Variants in IL1RAPL2 observed in about 807,000 individuals in gnomAD.
The protein encoded by IL1RAPL2 is interleukin 1 receptor accessory protein like 2, also known as X-linked interleukin-1 receptor accessory protein-like 2.
A neutral mutation model predicts 44.1 loss-of-function variants in IL1RAPL2; 3 were observed. The observed-to-expected ratio is 0.07, with a 90% confidence interval of 0.03 to 0.18. The LOEUF (loss-of-function observed/expected upper bound fraction) is 0.18. Among genes scored for constraint, IL1RAPL2 ranks in the 10% least tolerant of loss-of-function variants. The pLI is 1.00. For synonymous variants in IL1RAPL2, 181 were observed against 178.8 expected (o/e 1.01, Z -0.10); for missense variants, 391 against 496.4 (o/e 0.79, Z 2.02).
chrX:105,729,261 T>TTAAG (rs1175614779), intron 7 of IL1RAPL2, among the ~76,000 whole-genome samples: 3 of 111,534 alleles, frequency 2.7e-5, no homozygotes, highest in Non-Finnish European at 5.7e-5. Context: ...GTTTAGCTTT[T>TTAAG]TAAGTAACTG....
chrX:105,039,892 C>A (rs192624862), intron 2 of IL1RAPL2, among the ~76,000 whole-genome samples: 2,132 of 110,674 alleles, frequency 0.019, 58 homozygotes, highest in African/African-American at 0.067. Flanking sequence ...TGCCTAATTG[C>A]CCTGGCCAGA....
chrX:105,706,882 C>A (rs1477447125), intron 6 of IL1RAPL2, among the ~76,000 whole-genome samples: 1 of 111,308 alleles, frequency 9.0e-6, no homozygotes, highest in East Asian at 2.8e-4. Context: ...ATTTATGTAA[C>A]CTCCTGTCTT....
At chrX:104,678,800 A>G (rs188236934) in intron 2 of IL1RAPL2, among the ~76,000 whole-genome samples, 11 of 110,844 alleles carry the variant, frequency 9.9e-5, no homozygotes, top group African/African-American at 3.6e-4. Flanking sequence ...CAGGGAGGGG[A>G]ACATCACCCA....
At chrX:104,865,789 G>A (rs1173226967) in intron 2 of IL1RAPL2, among the ~76,000 whole-genome samples, 1 of 112,905 alleles carries the variant, frequency 8.9e-6, no homozygotes, top group Non-Finnish European at 1.9e-5. Context: ...TGATTTGTCA[G>A]GTGCTCTCAG....
chrX:105,539,785 T>C (rs1602456667), intron 6 of IL1RAPL2, among the ~76,000 whole-genome samples: 1 of 111,794 alleles, frequency 8.9e-6, no homozygotes, highest in East Asian at 2.8e-4. Flanking sequence ...GAAAAAGTTC[T>C]AATATCCAGA....
chrX:105,237,592 C>T (rs1215595013), intron 4 of IL1RAPL2, among the ~76,000 whole-genome samples: 1 of 111,892 alleles, frequency 8.9e-6, no homozygotes, highest in Non-Finnish European at 1.9e-5. Flanking sequence ...TCTCTGATGG[C>T]CAGTGATGAT....
At chrX:104,893,893 A>C (rs1047700311) in intron 2 of IL1RAPL2, among the ~76,000 whole-genome samples, 2 of 111,900 alleles carry the variant, frequency 1.8e-5, no homozygotes, top group Non-Finnish European at 3.8e-5. Flanking sequence ...GATGGTCTTT[A>C]AAATTTGGCA....
At chrX:105,736,860 T>C (rs2038454040) in intron 7 of IL1RAPL2, among the ~76,000 whole-genome samples, 3 of 111,261 alleles carry the variant, frequency 2.7e-5, no homozygotes, top group Admixed American at 9.5e-5. Context: ...CTCAGTAATC[T>C]CATTATTGGA....
At chrX:105,591,927 T>C (rs2037174605) in intron 6 of IL1RAPL2, among the ~76,000 whole-genome samples, 1 of 111,401 alleles carries the variant, frequency 9.0e-6, no homozygotes, top group African/African-American at 3.3e-5. Flanking sequence ...ATGTCTGTTA[T>C]GTCTCTTTAG....
chrX:105,418,062 C>T (rs931973701), intron 5 of IL1RAPL2, among the ~76,000 whole-genome samples: 5 of 111,399 alleles, frequency 4.5e-5, no homozygotes, highest in African/African-American at 9.8e-5. Flanking sequence ...TCATATACCT[C>T]GCTTAGCTCT....
intron 2 of IL1RAPL2, among the ~76,000 whole-genome samples, chrX:105,192,692 A>G (rs1556137998): frequency 9.0e-6 from 1 of 110,934 alleles, no homozygotes; most frequent in East Asian, 2.8e-4. Context: ...CCGTGTTATC[A>G]TACCTCTGGT....
intron 2 of IL1RAPL2, 108 bp downstream of exon 2, chrX:104,659,103 G>A (rs754625232): frequency 4.0e-5 from 20 of 495,700 alleles, no homozygotes; most frequent in African/African-American, 1.7e-4. Context: ...AGAAGCACTC[G>A]TATTCCAGTT....
intron 2 of IL1RAPL2, among the ~76,000 whole-genome samples, chrX:104,665,564 G>A (rs747320000): frequency 1.4e-4 from 15 of 110,487 alleles, no homozygotes; most frequent in African/African-American, 4.9e-4. Flanking sequence ...GATTCTTCCA[G>A]ATAGTTTCTT....
At chrX:104,642,310 G>A (rs886161080) in intron 1 of IL1RAPL2, among the ~76,000 whole-genome samples, 1 of 111,846 alleles carries the variant, frequency 8.9e-6, no homozygotes, top group African/African-American at 3.3e-5. Flanking sequence ...CTTCTAATCA[G>A]CCATCTTGAA....
At position 105,333,757 on chromosome X, in the gene IL1RAPL2, G is replaced by A. The variant is rs186422065; in HGVS notation, c.697+66216G>A. ...AGACATACAAATGGGAAACAGACAT[G>A]AAAAGGTGCTCAACATCATTGATCA... On this transcript the variant is annotated intron_variant, in intron 5 of 10. Coordinates refer to ENST00000372582, the MANE Select transcript of IL1RAPL2 (RefSeq NM_017416.2). Among the ~76,000 whole-genome samples, 3 of 112,159 alleles carry A rather than the reference G, an allele frequency of 2.7e-5. No homozygotes were observed. In the East Asian group the frequency reaches 8.4e-4, roughly 31 times the overall value.
chrX:105,576,395 A>G (rs1375255611), intron 6 of IL1RAPL2, among the ~76,000 whole-genome samples: 1 of 111,596 alleles, frequency 9.0e-6, no homozygotes, highest in African/African-American at 3.3e-5. Flanking sequence ...TTATCCCAGC[A>G]TCATTTATTG....
At chrX:105,279,321 T>C (rs962843249) in intron 5 of IL1RAPL2, among the ~76,000 whole-genome samples, 1 of 111,745 alleles carries the variant, frequency 8.9e-6, no homozygotes, top group Non-Finnish European at 1.9e-5. Context: ...TTTTTCTCAA[T>C]GTTCTACAGC....
At chrX:104,898,044 G>C (rs1273893416) in intron 2 of IL1RAPL2, among the ~76,000 whole-genome samples, 3 of 111,822 alleles carry the variant, frequency 2.7e-5, no homozygotes, top group Non-Finnish European at 3.8e-5. Context: ...CCCCGTTCTT[G>C]GTCTTGGAAT....
chrX:105,597,824 T>C (rs764346064), intron 6 of IL1RAPL2, among the ~76,000 whole-genome samples: 3 of 111,642 alleles, frequency 2.7e-5, no homozygotes, highest in African/African-American at 9.8e-5. Context: ...GGTGAGGGTG[T>C]GGAGAAAAGG....
Sources: gnomAD v4.1 joint callset for allele counts (sites outside exome capture counted in the v4.1 genomes callset) on GRCh38, gnomAD v4.1.1 for gene constraint, MANE v1.5 for transcripts, NCBI Gene and HGNC (gene_info 2026-07-23, HGNC 2026-07-21) for gene names.